KMO: variants seen among roughly 807,000 people sequenced by gnomAD.
KMO encodes kynurenine 3-monooxygenase.
In KMO, 24 loss-of-function variants were observed where a neutral mutation model predicts 57.8. The observed-to-expected ratio is 0.42, with a 90% CI of 0.30 to 0.58. The LOEUF (loss-of-function observed/expected upper bound fraction) is 0.58, where lower values mean the gene tolerates loss of function less well. Ranked by LOEUF, KMO falls within the 20% of genes least tolerant of loss-of-function variation. The pLI, the probability that KMO is intolerant of heterozygous loss-of-function variation, is 0.22. For synonymous variants in KMO, 210 were observed against 193.6 expected, an observed-to-expected ratio of 1.08 and a Z score of -0.70; for missense variants, 483 against 588.2, an observed-to-expected ratio of 0.82 and a Z score of 1.85.
chr1:241,591,990 T>TAGCC lies in KMO; in HGVS notation c.1300_1303dup (p.Ile435SerfsTer52). The TAGCC allele has an allele frequency of 6.2e-7, 1 of 1,614,068 alleles. No individual in the cohort carries two copies. Among genetic ancestry groups the TAGCC allele is most frequent in the Non-Finnish European group, 8.5e-7 (1 of 1,179,936 alleles). ...GGACTCTTTTTCTTGGGATCACTGA[T>TAGCC]AGCCATCAGCAGTACCTACCTACTT... On this transcript the variant is annotated frameshift_variant, in exon 15 of 15. Coordinates refer to ENST00000366559, the MANE Select transcript of KMO (RefSeq NM_003679.5). LOFTEE classifies it low-confidence loss of function (END_TRUNC).
intron 7 of KMO, among the ~76,000 whole-genome samples, chr1:241,564,017 A>G (rs1661981663): frequency 6.6e-6 from 1 of 152,158 alleles, no homozygotes; most frequent in South Asian, 2.1e-4. Flanking sequence ...ACTGCACTGT[A>G]AGGTCAAGAG....
rs1336827720 is a variant in KMO, at chr1:241,568,617, A to G, written c.927A>G (p.Ile309Met). The change falls in exon 10 of 15, where the codon ATA (isoleucine) becomes ATG (methionine). Residue 309 changes from isoleucine (I) to methionine (M), a missense_variant. Transcript: ENST00000366559. Reference protein sequence around the residue: ...CVLLGDAAHAIVPFFGQGMNA... With the variant: ...CVLLGDAAHAMVPFFGQGMNA... ...TGCTGGGAGATGCAGCTCATGCTAT[A>G]GTGCCGTTTTTTGGGCAAGGAATGA... The G allele has an allele frequency of 1.9e-6, 3 of 1,613,720 alleles. No homozygotes were observed. The highest frequency in any genetic ancestry group is 1.7e-5 in the Admixed American group (1 of 59,966).
chr1:241,556,488 C>G (rs1025228788), intron 5 of KMO, among the ~76,000 whole-genome samples: 1 of 152,170 alleles, frequency 6.6e-6, no homozygotes, highest in Non-Finnish European at 1.5e-5. Context: ...CCTATGGTCT[C>G]CTAGGCACTG....
chr1:241,580,268 C>A (rs1417673931), intron 10 of KMO, among the ~76,000 whole-genome samples: 1 of 152,138 alleles, frequency 6.6e-6, no homozygotes, highest in Non-Finnish European at 1.5e-5. Context: ...ATAGTCTCTA[C>A]ATATATCTCT....
At chr1:241,550,933 A>G in intron 3 of KMO, 22 bp from the exon 4 acceptor site, 1 of 1,188,204 alleles carries the variant, frequency 8.4e-7, no homozygotes, top group Non-Finnish European at 1.2e-6. Context: ...CATTGAAGTC[A>G]ATATTTCTGG....
rs997460140 is a variant in KMO, at chr1:241,593,208, A to G, written c.*1055A>G. ...GGAAACAAGGGGAGACAACTTTTATAGAAATACAAAGCCATTACTTTATTC... is the reference window on the plus strand; with the variant it reads ...GGAAACAAGGGGAGACAACTTTTATGGAAATACAAAGCCATTACTTTATTC... On this transcript the variant is annotated 3_prime_UTR_variant, in exon 15 of 15. Coordinates refer to ENST00000366559, the MANE Select transcript of KMO (RefSeq NM_003679.5). The G allele has an allele frequency of 1.2e-4, 29 of 246,882 alleles. 1 individual carries two copies. The highest frequency in any genetic ancestry group is 1.1e-3 in the Admixed American group (26 of 24,440). 15.3% of individuals were successfully genotyped at this position (246,882 alleles called of 1,614,324 possible). A position where few individuals can be genotyped will look rare whatever the true frequency, so the allele number is the denominator to read the frequency against.
intron 11 of KMO, among the ~76,000 whole-genome samples, chr1:241,587,003 C>G (rs532798763): frequency 1.3e-5 from 2 of 152,302 alleles, no homozygotes; most frequent in African/African-American, 4.8e-5. Context: ...AGTACCCGTG[C>G]TTGGCAGAAA....
At position 241,584,508 on chromosome 1, in the gene KMO, G is replaced by A. The variant is rs77972528; in HGVS notation, c.958-2171G>A. On this transcript the variant is annotated intron_variant, in intron 10 of 14. Transcript: ENST00000366559. ...AAGGAAAGCAAAACCTGATTGACAA[G>A]GTTGAGTAAAACTATGAGCTGATTA... 2.5e-4 allele frequency among the ~76,000 whole-genome samples: 38 copies of A among 152,252 alleles called. No individual in the cohort carries two copies. In the East Asian group the frequency reaches 7.3e-3, roughly 29 times the overall value.
At chr1:241,549,287 AAGG>A (rs1425054540) in intron 2 of KMO, among the ~76,000 whole-genome samples, 78 of 151,298 alleles carry the variant, frequency 5.2e-4, no homozygotes, top group African/African-American at 1.6e-3. Context: ...GAAAGAAAGA[AAGG>A]AGAAAGAGCA....
chr1:241,572,119 C>A (rs1052486755), intron 10 of KMO, among the ~76,000 whole-genome samples: 1 of 152,106 alleles, frequency 6.6e-6, no homozygotes, highest in Non-Finnish European at 1.5e-5. Context: ...CCCACCTCAG[C>A]CTTCCAAAGT....
intron 4 of KMO, among the ~76,000 whole-genome samples, chr1:241,553,264 G>A (rs1661479538): frequency 6.6e-6 from 1 of 152,204 alleles, no homozygotes. Context: ...ATTTGGTTAT[G>A]ATATAATACT....
At chr1:241,567,336 T>A (rs1026621403) in intron 9 of KMO, among the ~76,000 whole-genome samples, 5 of 152,196 alleles carry the variant, frequency 3.3e-5, no homozygotes, top group African/African-American at 7.2e-5. Flanking sequence ...GACGCCCCAC[T>A]TCTTGGTTCA....
intron 12 of KMO, 134 bp downstream of exon 12, chr1:241,588,964 A>T: frequency 3.2e-6 from 2 of 628,896 alleles, no homozygotes; most frequent in Non-Finnish European, 5.6e-6. Flanking sequence ...GAAAACACAC[A>T]CACACATAGC....
intron 6 of KMO, 166 bp from the exon 7 acceptor site, chr1:241,562,000 TG>T: frequency 1.7e-6 from 1 of 604,158 alleles, no homozygotes; most frequent in Non-Finnish European, 2.9e-6. Flanking sequence ...CTGGGACAAG[TG>T]TTTTCATCTA....
rs781253357 is a variant in KMO, at chr1:241,586,716, A to G, written c.995A>G (p.Asp332Gly). The change falls in exon 11 of 15, where the codon GAT becomes GGT. Residue 332 changes from aspartate (D) to glycine (G), a missense_variant. Transcript: ENST00000366559. ...EDCLVFDELM[D>G]KFSNDLSLCL... is the part of the protein sequence containing the mutation. ...TGCTTGGTATTTGATGAGTTAATGG[A>G]TAAATTCAGTAACGACCTTAGTAAG... 23 of 1,605,424 alleles carry G rather than the reference A, an allele frequency of 1.4e-5. No homozygotes were observed. The highest frequency in any genetic ancestry group is 2.0e-5 in the Non-Finnish European group (23 of 1,176,840).
At chr1:241,542,765 T>C (rs1356199766) in intron 1 of KMO, among the ~76,000 whole-genome samples, 1 of 152,254 alleles carries the variant, frequency 6.6e-6, no homozygotes, top group African/African-American at 2.4e-5. Context: ...GAGTGTGTGG[T>C]GCGCTTAGCA....
intron 10 of KMO, among the ~76,000 whole-genome samples, chr1:241,569,031 A>G (rs1250020598): frequency 6.6e-6 from 1 of 152,052 alleles, no homozygotes; most frequent in Non-Finnish European, 1.5e-5. Context: ...AAATTTTTTA[A>G]TTATTATGGA....
chr1:241,534,525 T>C (rs1286323052), intron 1 of KMO, among the ~76,000 whole-genome samples: 3 of 152,250 alleles, frequency 2.0e-5, no homozygotes, highest in Non-Finnish European at 4.4e-5. Context: ...ATTGTTCAAG[T>C]CCATGCTTAC....
intron 8 of KMO, among the ~76,000 whole-genome samples, chr1:241,566,174 C>A (rs572895575): frequency 1.3e-5 from 2 of 152,258 alleles, no homozygotes; most frequent in East Asian, 3.9e-4. Context: ...CCACAGCACT[C>A]CGGCCTGGGC....
Sources: gnomAD v4.1 joint callset for allele counts (sites outside exome capture counted in the v4.1 genomes callset) on GRCh38, gnomAD v4.1.1 for gene constraint, MANE v1.5 for transcripts, NCBI Gene and HGNC (gene_info 2026-07-23, HGNC 2026-07-21) for gene names.